ADAMTSL3: variants seen among roughly 807,000 people sequenced by gnomAD.
ADAMTSL3 encodes the protein ADAMTS-like protein 3.
ADAMTSL3 carries 128 observed loss-of-function variants against 201.7 expected under a neutral mutation model. The observed-to-expected ratio is 0.63, with a 90% CI of 0.55 to 0.73. The LOEUF (loss-of-function observed/expected upper bound fraction) is 0.73. Among genes scored for constraint, ADAMTSL3 ranks in the 30% least tolerant of loss-of-function variants. The pLI, the probability that ADAMTSL3 is intolerant of heterozygous loss-of-function variation, is 0.00. For synonymous variants in ADAMTSL3, 738 were observed against 748.4 expected (o/e 0.99, Z 0.23); for missense variants, 1,990 against 2,119.6 (o/e 0.94, Z 1.20).
chr15:83,927,347 C>T (rs547313331), intron 17 of ADAMTSL3, among the ~76,000 whole-genome samples: 4 of 152,206 alleles, frequency 2.6e-5, no homozygotes, highest in African/African-American at 4.8e-5. Flanking sequence ...AAACTGACCT[C>T]GAGTGATCCG....
At chr15:83,909,454 G>T in intron 15 of ADAMTSL3, among the ~76,000 whole-genome samples, 1 of 151,920 alleles carries the variant, frequency 6.6e-6, no homozygotes, top group Non-Finnish European at 1.5e-5. Context: ...TTCATGCGTT[G>T]GAATCTCTAC....
rs574837293 is a variant in ADAMTSL3 at position 83,670,294 on chromosome 15, A to G, written c.69+14464A>G. 1.3e-4 allele frequency among the ~76,000 whole-genome samples: 20 copies of G among 151,656 alleles called. 2 individuals are homozygous for G. In the South Asian group the frequency reaches 3.7e-3, roughly 28 times the overall value. On this transcript the variant is annotated intron_variant, in intron 2 of 29. Transcript: ENST00000286744. ...AAAAAAAAAAAAAAAGAACAGAAAAAGAAAGATGTTCATAAATTATAGGAA... is the reference window on the plus strand; with the variant it reads ...AAAAAAAAAAAAAAAGAACAGAAAAGGAAAGATGTTCATAAATTATAGGAA...
chr15:84,000,528 G>T (rs527832587), intron 23 of ADAMTSL3, among the ~76,000 whole-genome samples: 1 of 152,084 alleles, frequency 6.6e-6, no homozygotes, highest in African/African-American at 2.4e-5. Flanking sequence ...ACTAAGCCCA[G>T]TCTAGTTCCT....
chr15:83,704,595 A>AGCAGC, intron 3 of ADAMTSL3, 87 bp downstream of exon 3: 1 of 1,540,756 alleles, frequency 6.5e-7, no homozygotes, highest in Non-Finnish European at 8.8e-7. Context: ...CAAAGTAATT[A>AGCAGC]TATTTTCCTC....
intron 2 of ADAMTSL3, among the ~76,000 whole-genome samples, chr15:83,659,387 T>A (rs892717437): frequency 1.3e-5 from 2 of 152,190 alleles, no homozygotes; most frequent in Non-Finnish European, 1.5e-5. Context: ...CTGGGTCTTG[T>A]TGGTGCATAA....
intron 2 of ADAMTSL3, among the ~76,000 whole-genome samples, chr15:83,685,685 G>A (rs2061526321): frequency 6.6e-6 from 1 of 152,160 alleles, no homozygotes; most frequent in Non-Finnish European, 1.5e-5. Context: ...CATTCTAACT[G>A]TTATATTAGA....
At chr15:83,884,338 CTTTTTTTTTTTT>C (rs35308485) in intron 9 of ADAMTSL3, among the ~76,000 whole-genome samples, 9 of 114,486 alleles carry the variant, frequency 7.9e-5, no homozygotes, top group Non-Finnish European at 1.4e-4. Flanking sequence ...GCCCTATTTC[CTTTTTTTTTTTT>C]TTTTTTTTTT....
intron 19 of ADAMTSL3, among the ~76,000 whole-genome samples, chr15:83,947,414 T>C (rs1386986530): frequency 1.3e-5 from 2 of 152,220 alleles, no homozygotes; most frequent in Non-Finnish European, 2.9e-5. Context: ...CTTGGTTCCT[T>C]AGATCTGGAC....
At chr15:84,019,616 G>T (rs1265766369) in intron 25 of ADAMTSL3, among the ~76,000 whole-genome samples, 1 of 151,942 alleles carries the variant, frequency 6.6e-6, no homozygotes, top group Admixed American at 6.6e-5. Context: ...ACCAAAGGCC[G>T]GGCGCAGTGG....
At chr15:83,949,942 T>A (rs2066728510) in intron 19 of ADAMTSL3, among the ~76,000 whole-genome samples, 1 of 152,156 alleles carries the variant, frequency 6.6e-6, no homozygotes, top group Non-Finnish European at 1.5e-5. Flanking sequence ...TCTTCAGATA[T>A]TTTCTCCAAT....
At chr15:83,701,989 CT>C (rs1403876501) in intron 2 of ADAMTSL3, among the ~76,000 whole-genome samples, 1 of 152,154 alleles carries the variant, frequency 6.6e-6, no homozygotes, top group East Asian at 1.9e-4. Context: ...TGTTGATTGC[CT>C]TTACCAAAAT....
At chr15:83,711,534 A>T (rs2061933649) in intron 3 of ADAMTSL3, among the ~76,000 whole-genome samples, 1 of 152,236 alleles carries the variant, frequency 6.6e-6, no homozygotes, top group Non-Finnish European at 1.5e-5. Context: ...TTAGTAAGTA[A>T]TCTCGGTCAA....
rs371843114 is a variant in ADAMTSL3 at position 83,877,072 on chromosome 15, G to T, written c.960+6113G>T. ...GCCGCCCAAACTGCTGGGATTACAG[G>T]TGTGAGCCACTGTGCCCAGCCAAAT... is the stretch of plus-strand genomic sequence containing the variant. On this transcript the variant is annotated intron_variant, in intron 9 of 29. Transcript: ENST00000286744. 6.6e-5 allele frequency among the ~76,000 whole-genome samples: 10 copies of T among 152,210 alleles called. No homozygotes were observed. The East Asian group carries it at 1.5e-3, about 24-fold the overall frequency.
chr15:83,920,296 G>A (rs1310643607), intron 16 of ADAMTSL3, among the ~76,000 whole-genome samples: 2 of 152,166 alleles, frequency 1.3e-5, no homozygotes, highest in East Asian at 3.9e-4. Flanking sequence ...CAGGCCTCGA[G>A]CTGTAGTTTC....
intron 16 of ADAMTSL3, among the ~76,000 whole-genome samples, chr15:83,921,477 T>A (rs1471257593): frequency 1.3e-5 from 2 of 152,158 alleles, no homozygotes; most frequent in Non-Finnish European, 2.9e-5. Context: ...CTATGGATTT[T>A]AAAAAATCTC....
Position 83,820,372 on chromosome 15 carries a change from C to G in ADAMTSL3, c.600+325C>G, listed in dbSNP as rs531065487. Among the ~76,000 whole-genome samples, 17 of 152,288 alleles carry G rather than the reference C, an allele frequency of 1.1e-4. No individual in the cohort carries two copies. In the South Asian group the frequency reaches 1.2e-3, roughly 11 times the overall value. On this transcript the variant is annotated intron_variant, in intron 6 of 29. Transcript: ENST00000286744. ...GGATTACAGGCATGAGCCACCGCGC[C>G]GGGCCATCGATTAGTGATTCTCTAA...
At chr15:83,740,468 A>G (rs956740162) in intron 3 of ADAMTSL3, among the ~76,000 whole-genome samples, 1 of 152,268 alleles carries the variant, frequency 6.6e-6, no homozygotes, top group African/African-American at 2.4e-5. Context: ...AAGATGTAAG[A>G]GAACTGCATA....
intron 14 of ADAMTSL3, among the ~76,000 whole-genome samples, chr15:83,898,879 T>G (rs762056291): frequency 1.1e-4 from 17 of 152,270 alleles, no homozygotes; most frequent in South Asian, 4.1e-4. Context: ...CAATAAATAT[T>G]TTTGAGTACG....
intron 2 of ADAMTSL3, among the ~76,000 whole-genome samples, chr15:83,667,313 CA>C (rs1289757204): frequency 6.6e-6 from 1 of 152,108 alleles, no homozygotes; most frequent in East Asian, 1.9e-4. Context: ...TTCATTATTA[CA>C]GTTTTGACTA....
Sources: allele counts gnomAD v4.1 joint callset (sites outside exome capture counted in the v4.1 genomes callset), GRCh38; gene constraint gnomAD v4.1.1; transcripts MANE v1.5; gene names NCBI Gene and HGNC (gene_info 2026-07-23, HGNC 2026-07-21).